Variants in RGS6 observed in about 807,000 individuals in gnomAD.
The protein encoded by RGS6 is regulator of G-protein signaling 6.
In RGS6, 30 loss-of-function variants were observed where a neutral mutation model predicts 78.5. The observed-to-expected ratio is 0.38, with a 90% CI of 0.29 to 0.52. The LOEUF (loss-of-function observed/expected upper bound fraction) is 0.52. RGS6 is among the 20% of genes least tolerant of loss of function. RGS6 has a pLI of 0.85. For synonymous variants in RGS6, 206 were observed against 206.0 expected, an observed-to-expected ratio of 1.00 and a Z score of 0.00; for missense variants, 495 against 609.7, an observed-to-expected ratio of 0.81 and a Z score of 1.98.
At chr14:72,618,134 A>G in the RGS6 span, among the ~76,000 whole-genome samples, 1 of 152,136 alleles carries the variant, frequency 6.6e-6, no homozygotes, top group Non-Finnish European at 1.5e-5. Context: ...TGAGAGTTCT[A>G]AAATGTGGCC....
chr14:72,397,783 G>C (rs1193444625), intron 3 of RGS6, among the ~76,000 whole-genome samples: 3 of 152,104 alleles, frequency 2.0e-5, no homozygotes, highest in African/African-American at 4.8e-5. Context: ...TTTGTCAAAG[G>C]CCTTTTCTAC....
At chr14:71,906,122 C>A in the RGS6 span, among the ~76,000 whole-genome samples, 1 of 152,210 alleles carries the variant, frequency 6.6e-6, no homozygotes, top group East Asian at 1.9e-4. Flanking sequence ...CCAGCTGTCA[C>A]AGAGCAAGGA....
At chr14:72,579,096 C>CA in the RGS6 span, among the ~76,000 whole-genome samples, 1 of 152,104 alleles carries the variant, frequency 6.6e-6, no homozygotes, top group Non-Finnish European at 1.5e-5. Flanking sequence ...GTCAGTCAGT[C>CA]AGTCAGTCTC....
chr14:72,432,940 A>G (rs1460183941), intron 3 of RGS6, among the ~76,000 whole-genome samples: 1 of 152,166 alleles, frequency 6.6e-6, no homozygotes, highest in African/African-American at 2.4e-5. Context: ...CACCATTCTA[A>G]TGTGGGGAGT....
intron 12 of RGS6, among the ~76,000 whole-genome samples, chr14:72,489,073 A>T (rs1346302984): frequency 2.0e-5 from 3 of 151,046 alleles, no homozygotes; most frequent in Non-Finnish European, 4.4e-5. Flanking sequence ...TGCCAAGTGG[A>T]TGTCTTTTAT....
chr14:72,542,748 C>T (rs907208154), intron 17 of RGS6, among the ~76,000 whole-genome samples: 14 of 151,944 alleles, frequency 9.2e-5, no homozygotes, highest in African/African-American at 3.2e-4. Flanking sequence ...AATTTCTCCC[C>T]AGAACATGCC....
At chr14:72,066,808 A>ATTTT (rs60072172) in intron 2 of RGS6, among the ~76,000 whole-genome samples, 5 of 140,764 alleles carry the variant, frequency 3.6e-5, no homozygotes, top group Non-Finnish European at 7.8e-5. Flanking sequence ...TTTAGAGGCA[A>ATTTT]TTTTTTTTTT....
intron 2 of RGS6, among the ~76,000 whole-genome samples, chr14:72,154,027 C>T (rs867004301): frequency 6.6e-6 from 1 of 152,124 alleles, no homozygotes; most frequent in Non-Finnish European, 1.5e-5. Flanking sequence ...CAGACATTCC[C>T]AGAGCGGCCG....
chr14:72,530,451 G>C (rs1185732189), intron 15 of RGS6, among the ~76,000 whole-genome samples: 3 of 152,202 alleles, frequency 2.0e-5, no homozygotes, highest in Admixed American at 6.5e-5. Context: ...ACTTTGGGAG[G>C]CCGAGGCGGG....
intron 2 of RGS6, among the ~76,000 whole-genome samples, chr14:72,328,580 C>T (rs954384023): frequency 9.9e-5 from 15 of 152,044 alleles, no homozygotes; most frequent in Admixed American, 7.2e-4. Context: ...GAGTAATTTC[C>T]TTTCCCTCTC....
Position 72,316,596 on chromosome 14 carries a change from A to G in RGS6, c.85-35499A>G, listed in dbSNP as rs553050599. Among the ~76,000 whole-genome samples, 20 of 152,266 alleles carry G rather than the reference A, an allele frequency of 1.3e-4. No individual in the cohort carries two copies. The South Asian group carries it at 1.5e-3, about 11-fold the overall frequency. ...CTTTTTTATGGCTGCATAGTATTCCATGGTGTATATGTGCCACATTTTCTT... is the reference window on the plus strand; with the variant it reads ...CTTTTTTATGGCTGCATAGTATTCCGTGGTGTATATGTGCCACATTTTCTT... On this transcript the variant is annotated intron_variant, in intron 2 of 17. Coordinates refer to ENST00000553525, the MANE Select transcript of RGS6 (RefSeq NM_001204424.2).
intron 2 of RGS6, among the ~76,000 whole-genome samples, chr14:72,329,405 G>A (rs1021414101): frequency 3.3e-5 from 5 of 152,264 alleles, no homozygotes; most frequent in Non-Finnish European, 7.3e-5. Flanking sequence ...GGGCAAGGCA[G>A]CATGCCAGTG....
the RGS6 span, among the ~76,000 whole-genome samples, chr14:72,601,759 C>A: frequency 1.3e-5 from 2 of 152,262 alleles, no homozygotes; most frequent in Non-Finnish European, 1.5e-5. Context: ...CTCCTCCATA[C>A]TGGCCAGCCT....
intron 2 of RGS6, among the ~76,000 whole-genome samples, chr14:72,293,558 C>G (rs1388835488): frequency 1.3e-5 from 2 of 151,752 alleles, no homozygotes; most frequent in Non-Finnish European, 2.9e-5. Context: ...AAACAAAATT[C>G]CATATATTCT....
At chr14:72,194,004 C>G (rs2039392290) in intron 2 of RGS6, among the ~76,000 whole-genome samples, 1 of 152,050 alleles carries the variant, frequency 6.6e-6, no homozygotes, top group African/African-American at 2.4e-5. Flanking sequence ...ACCATTCTGA[C>G]CGTCATGTGC....
At chr14:72,130,326 C>T (rs1328659721) in intron 2 of RGS6, among the ~76,000 whole-genome samples, 1 of 152,122 alleles carries the variant, frequency 6.6e-6, no homozygotes, top group Non-Finnish European at 1.5e-5. Context: ...GTGAACAATG[C>T]AGGCTTCATT....
intron 2 of RGS6, among the ~76,000 whole-genome samples, chr14:72,013,198 G>A (rs1355578655): frequency 2.0e-5 from 3 of 150,544 alleles, no homozygotes; most frequent in East Asian, 2.0e-4. Flanking sequence ...TTGAACCTGG[G>A]AGGTGGGGGT....
the RGS6 span, among the ~76,000 whole-genome samples, chr14:72,618,222 C>T: frequency 6.6e-6 from 1 of 152,192 alleles, no homozygotes; most frequent in Non-Finnish European, 1.5e-5. Flanking sequence ...TCCTAAAATT[C>T]CCAGTCAGGT....
chr14:72,352,335 C>T lies in RGS6; in HGVS notation c.184+141C>T, dbSNP rs1010512625. 1.2e-5 allele frequency: 7 copies of T among 584,992 alleles called. No homozygotes were observed. The Admixed American group carries it at 1.4e-4, about 12-fold the overall frequency. The allele number at this position is 584,992 out of a possible 1,614,324, so 36.2% of individuals were successfully genotyped here. On this transcript the variant is annotated intron_variant, in intron 3 of 17. Coordinates refer to ENST00000553525, the MANE Select transcript of RGS6 (RefSeq NM_001204424.2). ...GTGTGTTTCTTGACTCAGGTCCCAT[C>T]CTAGTCTTAGTTTCCAGGAAGAAGC...
Sources: gnomAD v4.1 joint callset for allele counts (sites outside exome capture counted in the v4.1 genomes callset) on GRCh38, gnomAD v4.1.1 for gene constraint, MANE v1.5 for transcripts, NCBI Gene and HGNC (gene_info 2026-07-23, HGNC 2026-07-21) for gene names.